Variants in DPP6 observed in about 807,000 individuals in gnomAD.
DPP6 encodes the protein dipeptidyl peptidase like 6, also known as A-type potassium channel modulatory protein DPP6.
A neutral mutation model predicts 122.6 loss-of-function variants in DPP6; 69 were observed. The observed-to-expected ratio is 0.56, with a 90% confidence interval of 0.46 to 0.69. The LOEUF is 0.69. Ranked by LOEUF, DPP6 falls within the 30% of genes least tolerant of loss-of-function variation. The pLI is 0.00. For missense variants in DPP6, 928 were observed against 1,116.9 expected, an observed-to-expected ratio of 0.83 and a Z score of 2.41; for synonymous variants, 418 against 433.1, an observed-to-expected ratio of 0.97 and a Z score of 0.43.
At chr7:153,852,318 T>A in the DPP6 span, among the ~76,000 whole-genome samples, 3 of 152,126 alleles carry the variant, frequency 2.0e-5, no homozygotes, top group Non-Finnish European at 2.9e-5. Flanking sequence ...TTCTATAGGA[T>A]GTGTGGTGCT....
chr7:153,899,522 G>A (rs1291977018), intron 1 of DPP6, among the ~76,000 whole-genome samples: 2 of 152,182 alleles, frequency 1.3e-5, no homozygotes, highest in Admixed American at 6.5e-5. Flanking sequence ...GGCCGGAATG[G>A]TGGTAAATGC....
chr7:154,183,061 C>T (rs1427600107), intron 1 of DPP6, among the ~76,000 whole-genome samples: 1 of 152,206 alleles, frequency 6.6e-6, no homozygotes, highest in Non-Finnish European at 1.5e-5. Context: ...TCAGAATTCA[C>T]TTCCCGGATA....
intron 16 of DPP6, among the ~76,000 whole-genome samples, chr7:154,848,901 C>T (rs1802153623): frequency 6.6e-6 from 1 of 152,180 alleles, no homozygotes; most frequent in African/African-American, 2.4e-5. Flanking sequence ...TTTCCAACAC[C>T]ACTTATTGAA....
At chr7:154,587,588 C>A (rs565628502) in intron 5 of DPP6, 1 of 1,493,472 alleles carries the variant, frequency 6.7e-7, no homozygotes, top group African/African-American at 1.4e-5. Context: ...AAATAGCATC[C>A]TGGGACCATA....
chr7:154,245,922 A>G (rs1801956704), intron 1 of DPP6, among the ~76,000 whole-genome samples: 1 of 152,204 alleles, frequency 6.6e-6, no homozygotes, highest in African/African-American at 2.4e-5. Flanking sequence ...TAAAGAACAT[A>G]GTCATTGTGA....
chr7:154,639,234 A>AG (rs1292750569), intron 6 of DPP6, among the ~76,000 whole-genome samples: 3 of 152,258 alleles, frequency 2.0e-5, no homozygotes, highest in African/African-American at 7.2e-5. Context: ...TGTGACCAAT[A>AG]GTTTCTGTTA....
intron 4 of DPP6, among the ~76,000 whole-genome samples, chr7:154,545,179 A>G (rs1829067556): frequency 6.6e-6 from 1 of 152,162 alleles, no homozygotes; most frequent in Admixed American, 6.5e-5. Flanking sequence ...TTTAAACACA[A>G]TTTTAAATGT....
intron 1 of DPP6, among the ~76,000 whole-genome samples, chr7:154,071,469 T>C (rs1393126906): frequency 6.6e-6 from 1 of 152,232 alleles, no homozygotes; most frequent in Non-Finnish European, 1.5e-5. Flanking sequence ...CATGTTAGAA[T>C]GTCACATCTT....
chr7:154,012,053 T>C (rs1357260969), intron 1 of DPP6, among the ~76,000 whole-genome samples: 15 of 152,194 alleles, frequency 9.9e-5, no homozygotes, highest in Non-Finnish European at 1.5e-5. Flanking sequence ...AATGGCAAAG[T>C]AGGTGTTATC....
chr7:153,904,503 G>A lies in DPP6; in HGVS notation c.51+16769G>A, dbSNP rs895040474. 2.0e-5 allele frequency among the ~76,000 whole-genome samples: 3 copies of A among 152,308 alleles called. No homozygotes were observed. In the East Asian group the frequency reaches 5.8e-4, roughly 29 times the overall value. On this transcript the variant is annotated intron_variant, in intron 1 of 25. Transcript: ENST00000404039. ...CTAATGACTTTATTAAAAGGCTTGAGGGGGAGGGCAGAAAGGGTATAGTGG... is the reference window on the plus strand; with the variant it reads ...CTAATGACTTTATTAAAAGGCTTGAAGGGGAGGGCAGAAAGGGTATAGTGG...
intron 1 of DPP6, among the ~76,000 whole-genome samples, chr7:154,245,161 C>A (rs1424610522): frequency 6.6e-6 from 1 of 151,406 alleles, no homozygotes; most frequent in Non-Finnish European, 1.5e-5. Flanking sequence ...ACATGTTGGC[C>A]AGGCTGGTCT....
chr7:154,742,370 C>T (rs560708196), intron 8 of DPP6, among the ~76,000 whole-genome samples: 1 of 152,316 alleles, frequency 6.6e-6, no homozygotes, highest in Non-Finnish European at 1.5e-5. Context: ...AATTACATGG[C>T]ACAAATCTTT....
intron 22 of DPP6, among the ~76,000 whole-genome samples, chr7:154,887,457 A>C (rs1291112034): frequency 1.3e-5 from 2 of 152,188 alleles, no homozygotes. Context: ...GCACTCACAC[A>C]CATTAAGGTT....
In DPP6 at chr7:154,282,132, C is replaced by T. The variant is rs1163575760; in HGVS notation, c.244-164082C>T. Reference sequence around the variant, plus strand: ...TGTTGAGGGGTGGGGACAGGGCTGGCACAGTGCCTGGCATGTTCTAACCAT... The same window carrying T: ...TGTTGAGGGGTGGGGACAGGGCTGGTACAGTGCCTGGCATGTTCTAACCAT... On this transcript the variant is annotated intron_variant, in intron 1 of 25. Coordinates refer to ENST00000377770, the MANE Select transcript of DPP6 (RefSeq NM_130797.4). This position sits in a 1 kb window ranked among gnomAD's most constrained non-coding sequence, Gnocchi z 4.8. Among the ~76,000 whole-genome samples the T allele has an allele frequency of 6.6e-6, 1 of 152,116 alleles. No individual in the cohort carries two copies. Among genetic ancestry groups the T allele is most frequent in the East Asian group, 1.9e-4 (1 of 5,178 alleles).
At chr7:153,984,218 C>T (rs1302163930) in intron 1 of DPP6, among the ~76,000 whole-genome samples, 2 of 152,056 alleles carry the variant, frequency 1.3e-5, no homozygotes, top group East Asian at 3.9e-4. Flanking sequence ...TAGGTCAGAG[C>T]TATTTCTCCT....
intron 7 of DPP6, among the ~76,000 whole-genome samples, chr7:154,707,970 T>A (rs1019505922): frequency 6.6e-6 from 1 of 152,198 alleles, no homozygotes; most frequent in East Asian, 1.9e-4. Context: ...TCATCCTCTA[T>A]CCATCCGTTA....
At chr7:153,763,581 T>C in the DPP6 span, among the ~76,000 whole-genome samples, 122 of 152,264 alleles carry the variant, frequency 8.0e-4, 1 homozygote, top group Admixed American at 1.7e-3. Flanking sequence ...CCAGGAGATA[T>C]ACTTTGGGGA....
At chr7:154,243,023 C>A (rs1451965834) in intron 1 of DPP6, among the ~76,000 whole-genome samples, 1 of 152,124 alleles carries the variant, frequency 6.6e-6, no homozygotes, top group Non-Finnish European at 1.5e-5. Context: ...AAAAGCTATA[C>A]CCTCAAATAA....
the DPP6 span, among the ~76,000 whole-genome samples, chr7:153,781,854 G>C: frequency 6.6e-6 from 1 of 151,896 alleles, no homozygotes; most frequent in African/African-American, 2.4e-5. Context: ...TTGAATGTTA[G>C]CTTAATTTAT....
Sources: allele counts gnomAD v4.1 joint callset (sites outside exome capture counted in the v4.1 genomes callset), GRCh38; gene constraint gnomAD v4.1.1; non-coding constraint Gnocchi (gnomAD v3.1); transcripts MANE v1.5; gene names NCBI Gene and HGNC (gene_info 2026-07-23, HGNC 2026-07-21).